Variants in SPAG17 observed in about 807,000 individuals in gnomAD.
The protein encoded by SPAG17 is sperm associated antigen 17, also known as sperm-associated antigen 17.
Under a neutral mutation model 273.6 loss-of-function variants are expected in SPAG17, and 169 were observed. That is an observed-to-expected ratio of 0.62 (90% CI 0.55 to 0.70). The LOEUF is 0.70. Ranked by LOEUF, SPAG17 falls within the 30% of genes least tolerant of loss-of-function variation. The probability of loss-of-function intolerance (pLI) is 0.00; values close to 1 mark genes in which losing one functional copy is unlikely to be tolerated. For synonymous variants in SPAG17, 825 were observed against 873.2 expected, an observed-to-expected ratio of 0.94 and a Z score of 0.97; for missense variants, 2,557 against 2,627.8, an observed-to-expected ratio of 0.97 and a Z score of 0.59.
chr1:118,154,665 C>G (rs556890355), intron 1 of SPAG17, among the ~76,000 whole-genome samples: 26 of 151,898 alleles, frequency 1.7e-4, no homozygotes, highest in African/African-American at 6.3e-4. Flanking sequence ...ATCAAAAACA[C>G]CCCTCCACCC....
At chr1:118,132,463 A>G (rs1427406680) in intron 3 of SPAG17, among the ~76,000 whole-genome samples, 1 of 152,202 alleles carries the variant, frequency 6.6e-6, no homozygotes, top group East Asian at 1.9e-4. Flanking sequence ...TTATGAATTT[A>G]GGCATTTTAT....
At position 118,101,900 on chromosome 1, in the gene SPAG17, T is replaced by C; in HGVS notation, c.474A>G (p.Glu158=). 6.2e-7 allele frequency: 1 copy of C among 1,612,930 alleles called. No homozygotes were observed. Among genetic ancestry groups the C allele is most frequent in the Non-Finnish European group, 8.5e-7 (1 of 1,179,704 alleles). The change falls in exon 5 of 49, where the codon GAA becomes GAG. Residue 158 remains glutamate, a synonymous_variant. Transcript: ENST00000336338. ...GAGATTTTGCTTTCCCTTTATCCTT[T>C]TCTAACTTAGGTTTGTCTTCTATTA... ...KKVIEDKPKL[E]KDKGKAKSPK...
chr1:118,151,267 G>GT lies in SPAG17; in HGVS notation c.189dup (p.Leu64ThrfsTer15). The GT allele has an allele frequency of 6.2e-7, 1 of 1,613,222 alleles. No homozygotes were observed. Among genetic ancestry groups the GT allele is most frequent in the African/African-American group, 1.3e-5 (1 of 75,030 alleles). On this transcript the variant is annotated frameshift_variant, in exon 2 of 49. Coordinates refer to ENST00000336338, the MANE Select transcript of SPAG17 (RefSeq NM_206996.4). LOFTEE classifies it high-confidence loss of function. Reference sequence around the variant, plus strand: ...TCTTGCCACGACACCATACTGAAGAGTTTACGCTGAGGGACCTGGACAGCC... The same window carrying GT: ...TCTTGCCACGACACCATACTGAAGAGTTTTACGCTGAGGGACCTGGACAGCC...
At chr1:118,150,454 G>C in intron 3 of SPAG17, 89 bp downstream of exon 3, 1 of 655,584 alleles carries the variant, frequency 1.5e-6, no homozygotes, top group South Asian at 2.8e-5. Context: ...TATTTTCAAA[G>C]AATGAAATTT....
chr1:118,103,791 C>T (rs748376013), intron 4 of SPAG17, among the ~76,000 whole-genome samples: 8 of 148,522 alleles, frequency 5.4e-5, no homozygotes, highest in Non-Finnish European at 8.9e-5. Context: ...GACATTTGAG[C>T]GAAGATCTCA....
In SPAG17 at chr1:118,185,114, G is replaced by A. The variant is rs751883629; in HGVS notation, c.44C>T (p.Ser15Phe). The change falls in exon 1 of 49, where the codon TCT (serine) becomes TTT (phenylalanine). Residue 15 changes from serine (S) to phenylalanine (F), a missense_variant. Transcript: ENST00000336338. ...TATGAGCGAGGGTTCCCATATCTTA[G>A]AACTGGTGTTCACAGTTCCTCCTTT... Reference protein sequence around the residue: ...KEKGGTVNTSSKIWEPSLIAA... With the variant: ...KEKGGTVNTSFKIWEPSLIAA... The A allele has an allele frequency of 6.2e-7, 1 of 1,614,190 alleles. No homozygotes were observed. Among genetic ancestry groups the A allele is most frequent in the Non-Finnish European group, 8.5e-7 (1 of 1,180,032 alleles).
chr1:118,153,887 A>G (rs1044481336), intron 1 of SPAG17, among the ~76,000 whole-genome samples: 3 of 152,182 alleles, frequency 2.0e-5, no homozygotes, highest in African/African-American at 7.2e-5. Context: ...GAGATTAGAT[A>G]TTAAATCCTT....
intron 28 of SPAG17, among the ~76,000 whole-genome samples, chr1:118,017,512 A>C (rs2101810493): frequency 6.6e-6 from 1 of 152,286 alleles, no homozygotes; most frequent in African/African-American, 2.4e-5. Flanking sequence ...GGACTTTAGC[A>C]GTACGTTAGA....
At chr1:118,011,243 A>C (rs1373196424) in intron 30 of SPAG17, among the ~76,000 whole-genome samples, 1 of 152,246 alleles carries the variant, frequency 6.6e-6, no homozygotes. Context: ...AGGAATATAA[A>C]TCATTTTACT....
intron 46 of SPAG17, among the ~76,000 whole-genome samples, chr1:117,969,173 T>TA (rs199681515): frequency 3.5e-4 from 54 of 152,320 alleles, no homozygotes; most frequent in East Asian, 9.6e-4. Context: ...CATTTTTTTT[T>TA]ACTAAACATG....
chr1:117,987,430 A>G (rs1656544042), intron 40 of SPAG17, among the ~76,000 whole-genome samples: 1 of 152,248 alleles, frequency 6.6e-6, no homozygotes, highest in Non-Finnish European at 1.5e-5. Context: ...CTCTTTGACA[A>G]GACAGCTGGA....
chr1:118,011,455 G>C (rs530358296), intron 30 of SPAG17, among the ~76,000 whole-genome samples: 1 of 152,182 alleles, frequency 6.6e-6, no homozygotes, highest in African/African-American at 2.4e-5. Flanking sequence ...ATTACCCTTA[G>C]CAAACTAACA....
At position 118,066,867 on chromosome 1, in the gene SPAG17, A is replaced by C. The variant is rs756781007; in HGVS notation, c.2418T>G (p.Cys806Trp). Reference sequence around the variant, plus strand: ...CTTGGGTGTGGTAGTAAGAATCAACACACCTATATTGCTTATGGGCTTCTT... The same window carrying C: ...CTTGGGTGTGGTAGTAAGAATCAACCCACCTATATTGCTTATGGGCTTCTT... ...VLQEAHKQYR[C>W]VDSYYHTQDN... Residue 806 changes from cysteine (C) to tryptophan (W), a missense_variant, in exon 18 of 49, where the codon TGT becomes TGG. Cys to Trp is a radical substitution (Grantham distance 215). Transcript: ENST00000336338. 2 of 1,613,504 alleles carry C rather than the reference A, an allele frequency of 1.2e-6. No homozygotes were observed. Among genetic ancestry groups the C allele is most frequent in the South Asian group, 2.2e-5 (2 of 90,912 alleles).
At chr1:117,969,921 A>G (rs1025192049) in intron 46 of SPAG17, 135 bp downstream of exon 46, 19 of 743,508 alleles carry the variant, frequency 2.6e-5, no homozygotes, top group East Asian at 5.7e-5. Context: ...TTTGCTTATG[A>G]TATTAAAAAC....
Position 118,067,459 on chromosome 1 carries a change from CTT to C in SPAG17, c.2386-562_2386-561del, listed in dbSNP as rs1653098879. On this transcript the variant is annotated intron_variant, in intron 17 of 48. Transcript: ENST00000336338. ...AGCAGATAACCTGCTCTCCCTCCCT[CTT>C]TCCCTTCTCCATCCCCACTCCCTCT... 2.0e-5 allele frequency among the ~76,000 whole-genome samples: 3 copies of C among 152,144 alleles called. No homozygotes were observed. In the South Asian group the frequency reaches 6.2e-4, roughly 32 times the overall value.
intron 3 of SPAG17, among the ~76,000 whole-genome samples, chr1:118,130,729 T>C (rs1405333829): frequency 6.6e-6 from 1 of 152,222 alleles, no homozygotes. Context: ...CAGGAGGCCA[T>C]GTCCAACATG....
chr1:118,116,668 T>G (rs548929242), intron 3 of SPAG17, among the ~76,000 whole-genome samples: 26 of 152,300 alleles, frequency 1.7e-4, no homozygotes, highest in African/African-American at 6.3e-4. Flanking sequence ...GATTACCATG[T>G]GCCAAAATGT....
At chr1:118,035,759 C>T (rs1370615399) in intron 24 of SPAG17, among the ~76,000 whole-genome samples, 1 of 152,136 alleles carries the variant, frequency 6.6e-6, no homozygotes, top group African/African-American at 2.4e-5. Context: ...TTTTATAATG[C>T]TTTAAGAAAA....
chr1:117,962,817 A>G (rs1298271865), intron 48 of SPAG17: 1 of 152,276 alleles, frequency 6.6e-6, no homozygotes, highest in Non-Finnish European at 1.5e-5. Context: ...TGGTAGGTAC[A>G]GGACTGTATA....
Sources: gnomAD v4.1 joint callset for allele counts (sites outside exome capture counted in the v4.1 genomes callset) on GRCh38, gnomAD v4.1.1 for gene constraint, MANE v1.5 for transcripts, NCBI Gene and HGNC (gene_info 2026-07-23, HGNC 2026-07-21) for gene names.